Variants in GOLPH3 observed in about 807,000 individuals in gnomAD.
The protein encoded by GOLPH3 is golgi phosphoprotein 3.
A neutral mutation model predicts 28.5 loss-of-function variants in GOLPH3; 14 were observed. The ratio of observed to expected loss-of-function variants is 0.49; its 90% confidence interval spans 0.32 to 0.77. GOLPH3 has a LOEUF of 0.77. GOLPH3 is among the 30% of genes least tolerant of loss of function. GOLPH3 has a pLI of 0.03. For synonymous variants in GOLPH3, 158 were observed against 159.2 expected (o/e 0.99, Z 0.06); for missense variants, 350 against 393.7 (o/e 0.89, Z 0.94).
rs199592768 is a variant in GOLPH3, at chr5:32,157,978, A to AAAATAAATAAAT, written c.226-14110_226-14099dup. Among the ~76,000 whole-genome samples, 10 of 38,692 alleles carry AAAATAAATAAAT rather than the reference A, an allele frequency of 2.6e-4. 1 individual carries two copies. Among genetic ancestry groups the AAAATAAATAAAT allele is most frequent in the African/African-American group, 8.9e-4 (8 of 8,950 alleles). The allele number at this position is 38,692 out of a possible 152,430, so 25.4% of individuals were successfully genotyped here. A position where few individuals can be genotyped will look rare whatever the true frequency, so the allele number is the denominator to read the frequency against. On this transcript the variant is annotated intron_variant, in intron 1 of 3. Coordinates refer to ENST00000265070, the MANE Select transcript of GOLPH3 (RefSeq NM_022130.4). ...GGTAACAAGAGCTAAACTCTGTCTC[A>AAAATAAATAAAT]AAATAAATAAATAAATAAATAAATA...
At chr5:32,127,626 G>A (rs1745713493) in intron 3 of GOLPH3, among the ~76,000 whole-genome samples, 1 of 152,110 alleles carries the variant, frequency 6.6e-6, no homozygotes, top group African/African-American at 2.4e-5. Context: ...CACCCCACAG[G>A]AACAGAACAT....
At chr5:32,142,388 T>C (rs2111855137) in intron 2 of GOLPH3, among the ~76,000 whole-genome samples, 1 of 143,092 alleles carries the variant, frequency 7.0e-6, no homozygotes, top group Admixed American at 6.8e-5. Flanking sequence ...GTCTGAGAAG[T>C]GAGGAGCCCC....
chr5:32,128,316 G>A (rs2619879), intron 3 of GOLPH3, among the ~76,000 whole-genome samples: 4,558 of 152,252 alleles, frequency 0.03, 236 homozygotes, highest in African/African-American at 0.1. Context: ...CTTAGTAGTA[G>A]GGCTAAACCA....
intron 1 of GOLPH3, among the ~76,000 whole-genome samples, chr5:32,156,502 C>CAA (rs375697964): frequency 6.0e-4 from 83 of 138,372 alleles, no homozygotes; most frequent in Middle Eastern, 3.8e-3. Context: ...GATTCTGTCT[C>CAA]AAAAAAAAAA....
At chr5:32,145,686 C>A (rs1233429332) in intron 1 of GOLPH3, among the ~76,000 whole-genome samples, 2 of 152,204 alleles carry the variant, frequency 1.3e-5, no homozygotes, top group South Asian at 4.1e-4. Flanking sequence ...ATGTCTCAAT[C>A]TCAATTGCTC....
At chr5:32,144,106 TAG>T (rs1746141336) in intron 1 of GOLPH3, among the ~76,000 whole-genome samples, 1 of 152,214 alleles carries the variant, frequency 6.6e-6, no homozygotes, top group Non-Finnish European at 1.5e-5. Context: ...CAAATAACTT[TAG>T]AGGTCATAAG....
chr5:32,136,246 G>A (rs371634353), intron 2 of GOLPH3, among the ~76,000 whole-genome samples: 3 of 152,092 alleles, frequency 2.0e-5, no homozygotes, highest in African/African-American at 7.2e-5. Context: ...TTGGGAGGCC[G>A]AGGCGGGTGG....
At chr5:32,147,717 G>T (rs1178363342) in intron 1 of GOLPH3, among the ~76,000 whole-genome samples, 1 of 152,058 alleles carries the variant, frequency 6.6e-6, no homozygotes, top group Non-Finnish European at 1.5e-5. Flanking sequence ...AAAGGCAATA[G>T]TTATGATAGT....
intron 3 of GOLPH3, among the ~76,000 whole-genome samples, chr5:32,135,256 C>A (rs1475449244): frequency 6.6e-6 from 1 of 152,198 alleles, no homozygotes; most frequent in Non-Finnish European, 1.5e-5. Context: ...TTGTTTTAAG[C>A]AACTGAGGTT....
rs1745685263 is a variant in GOLPH3 at position 32,126,551 on chromosome 5, T to C, written c.558A>G (p.Val186=). The change falls in exon 4 of 4, where the codon GTA becomes GTG. Residue 186 remains valine (V), a synonymous_variant. Transcript: ENST00000265070. The part of the protein sequence containing the change: ...RLAKNLVEKG[V]LTTEKQNFLL... ...GGAAGTTCTGTTTCTCTGTTGTCAA[T>C]ACACCCTTTTCCACCAGGTTTTTAG... 2 of 1,614,182 alleles carry C rather than the reference T, an allele frequency of 1.2e-6. No homozygotes were observed. The highest frequency in any genetic ancestry group is 1.3e-5 in the African/African-American group (1 of 75,040).
intron 1 of GOLPH3, among the ~76,000 whole-genome samples, chr5:32,148,593 C>G (rs558603472): frequency 6.6e-6 from 1 of 152,196 alleles, no homozygotes; most frequent in East Asian, 1.9e-4. Flanking sequence ...GTCAGGAGAT[C>G]GAGACCATCC....
At chr5:32,130,991 C>A (rs1745814039) in intron 3 of GOLPH3, among the ~76,000 whole-genome samples, 1 of 152,198 alleles carries the variant, frequency 6.6e-6, no homozygotes. Context: ...TAAACACAGA[C>A]CACCTTCAAA....
chr5:32,171,239 A>G (rs1451379472), intron 1 of GOLPH3, among the ~76,000 whole-genome samples: 6 of 152,132 alleles, frequency 3.9e-5, no homozygotes, highest in Non-Finnish European at 8.8e-5. Context: ...GTCTTGGGCC[A>G]TATATAAAAT....
intron 3 of GOLPH3, among the ~76,000 whole-genome samples, chr5:32,133,297 G>GT (rs1745864723): frequency 6.6e-6 from 1 of 152,184 alleles, no homozygotes; most frequent in Admixed American, 6.5e-5. Flanking sequence ...CAGGTTAAGT[G>GT]TAAGATGCAT....
chr5:32,162,676 C>T (rs1255292970), intron 1 of GOLPH3, among the ~76,000 whole-genome samples: 2 of 152,194 alleles, frequency 1.3e-5, no homozygotes, highest in Non-Finnish European at 2.9e-5. Context: ...CTTCTCTAGG[C>T]TAGGTAATTA....
rs1277868091 is a variant in GOLPH3 at position 32,125,209 on chromosome 5, A to G, written c.*1003T>C. The G allele has an allele frequency of 6.5e-6, 1 of 152,680 alleles. No homozygotes were observed. The highest frequency in any genetic ancestry group is 2.4e-5 in the African/African-American group (1 of 41,464). The allele number at this position is 152,680 out of a possible 1,614,324, so 9.5% of individuals were successfully genotyped here. On this transcript the variant is annotated 3_prime_UTR_variant, in exon 4 of 4. Transcript: ENST00000265070. The stretch of plus-strand genomic sequence containing the variant: ...GAGTAGATAAATGACATTTCAGAGC[A>G]GATATTAATTTACTTGTGGACAGAA...
In GOLPH3 at chr5:32,135,592, T is replaced by C. The variant is rs1278405389; in HGVS notation, c.452A>G (p.Asn151Ser). The C allele has an allele frequency of 1.2e-6, 2 of 1,611,024 alleles. No homozygotes were observed. Among genetic ancestry groups the C allele is most frequent in the Non-Finnish European group, 1.7e-6 (2 of 1,177,140 alleles). ...KETQPPETVQ[N>S]WIELLSGETW... ...CTTACCACTAAGTAATTCAATCCAG[T>C]TCTGGACCGTTTCTGGAGGCTGAGT... Residue 151 changes from asparagine (N) to serine (S), a missense_variant, in exon 3 of 4, where the codon AAC becomes AGC. Asn to Ser is a conservative substitution (Grantham distance 46). Transcript: ENST00000265070.
intron 1 of GOLPH3, among the ~76,000 whole-genome samples, chr5:32,152,099 G>A (rs930617462): frequency 2.6e-5 from 4 of 151,906 alleles, no homozygotes; most frequent in Non-Finnish European, 5.9e-5. Flanking sequence ...TGTTTTAAAT[G>A]GTACACTTGA....
At chr5:32,154,560 T>G in intron 1 of GOLPH3, among the ~76,000 whole-genome samples, 1 of 152,340 alleles carries the variant, frequency 6.6e-6, no homozygotes, top group Middle Eastern at 3.4e-3. Context: ...GATGTAGATG[T>G]TAACTTTCAG....
Sources: gnomAD v4.1 joint callset for allele counts (sites outside exome capture counted in the v4.1 genomes callset) on GRCh38, gnomAD v4.1.1 for gene constraint, MANE v1.5 for transcripts, NCBI Gene and HGNC (gene_info 2026-07-23, HGNC 2026-07-21) for gene names.